BRWD1: variants seen among roughly 807,000 people sequenced by gnomAD.
The protein encoded by BRWD1 is bromodomain and WD repeat-containing protein 1.
In BRWD1, 82 loss-of-function variants were observed where a neutral mutation model predicts 251.2. That is an observed-to-expected ratio of 0.33 (90% CI 0.27 to 0.39). The LOEUF is 0.39. Ranked by LOEUF, BRWD1 falls within the 10% of genes least tolerant of loss-of-function variation. BRWD1 has a pLI of 1.00. For missense variants in BRWD1, 2,233 were observed against 2,711.6 expected, an observed-to-expected ratio of 0.82 and a Z score of 3.92; for synonymous variants, 918 against 902.8, an observed-to-expected ratio of 1.02 and a Z score of -0.30.
intron 21 of BRWD1, among the ~76,000 whole-genome samples, chr21:39,241,764 A>C (rs2034012048): frequency 6.6e-6 from 1 of 152,040 alleles, no homozygotes; most frequent in African/African-American, 2.4e-5. Flanking sequence ...AACCCAGTAA[A>C]TTTATTGGTG....
chr21:39,221,536 CAA>C (rs759936575), intron 29 of BRWD1, among the ~76,000 whole-genome samples: 2 of 151,136 alleles, frequency 1.3e-5, no homozygotes, highest in South Asian at 2.1e-4. Flanking sequence ...AGCAAAAAAA[CAA>C]AAAAAATCCA....
At chr21:39,253,286 C>CAAAAA (rs57456792) in intron 19 of BRWD1, among the ~76,000 whole-genome samples, 24 of 83,792 alleles carry the variant, frequency 2.9e-4, no homozygotes, top group African/African-American at 4.2e-4. Flanking sequence ...GAAACTGTCT[C>CAAAAA]AAAAAAAAAA....
rs530947612 is a variant in BRWD1, at chr21:39,198,774, T to C, written c.5642A>G (p.Asn1881Ser). The C allele has an allele frequency of 1.3e-4, 208 of 1,584,156 alleles. 2 individuals carry two copies. The South Asian group carries it at 2.2e-3, about 17-fold the overall frequency. The change falls in exon 40 of 41, where the codon AAT becomes AGT. Residue 1881 changes from asparagine (N) to serine (S), a missense_variant. Coordinates refer to ENST00000342449, the MANE Select transcript of BRWD1 (RefSeq NM_033656.4). ...SDDDKIEKPN[N>S]FMKDSASQDN... ...ATGTTTTGAATTACCTTTCATAAAA[T>C]TGTTTGGTTTTTCTATTTTGTCATC...
At chr21:39,315,326 T>C (rs952866468), upstream of BRWD1, among the ~76,000 whole-genome samples, 2 of 151,928 alleles carry the variant, frequency 1.3e-5, no homozygotes, top group African/African-American at 2.4e-5. Flanking sequence ...TATATATTTA[T>C]AAATGGACAT....
At chr21:39,218,921 T>G (rs1234751051) in intron 29 of BRWD1, among the ~76,000 whole-genome samples, 2 of 152,134 alleles carry the variant, frequency 1.3e-5, no homozygotes, top group East Asian at 3.9e-4. Flanking sequence ...GTCTATTTCT[T>G]CAAGGAGGCA....
At chr21:39,255,592 ATAAAT>A (rs1354744217) in intron 19 of BRWD1, 48 bp downstream of exon 19, 12 of 1,445,492 alleles carry the variant, frequency 8.3e-6, no homozygotes, top group Non-Finnish European at 1.2e-5. Flanking sequence ...AAATAACCAT[ATAAAT>A]ATATTTTCAC....
intron 8 of BRWD1, among the ~76,000 whole-genome samples, chr21:39,286,403 T>C (rs1017300960): frequency 5.3e-5 from 8 of 152,136 alleles, no homozygotes; most frequent in Non-Finnish European, 7.3e-5. Flanking sequence ...CTAAGGTCAA[T>C]AGCTACTATT....
rs2031487796 is a variant in BRWD1 at position 39,190,337 on chromosome 21, G to T, written c.*5922C>A. 1 of 984,806 alleles carries T rather than the reference G, an allele frequency of 1.0e-6. No individual in the cohort carries two copies. Among genetic ancestry groups the T allele is most frequent in the Non-Finnish European group, 1.2e-6 (1 of 829,488 alleles). The allele number at this position is 984,806 out of a possible 1,614,324, so 61.0% of individuals were successfully genotyped here. A position where few individuals can be genotyped will look rare whatever the true frequency, so the allele number is the denominator to read the frequency against. On this transcript the variant is annotated 3_prime_UTR_variant, in exon 41 of 41. Transcript: ENST00000342449. ...TAAACTGCATATGGTTACTACAGAA[G>T]CATTATAAAATTTTCATTGGCATTT...
chr21:39,199,563 A>G lies in BRWD1; in HGVS notation c.4853T>C (p.Leu1618Pro), dbSNP rs2032002498. 6.2e-7 allele frequency: 1 copy of G among 1,614,078 alleles called. No homozygotes were observed. The highest frequency in any genetic ancestry group is 1.3e-5 in the African/African-American group (1 of 74,922). ...TCGGTTATTTCCAGCTCTGGCTTTT[A>G]GAATTTCACCAGTCTCCAATGAATT... ...DNNSLETGEI[L>P]KARAGNNRKV... Residue 1618 changes from leucine (L) to proline (P), a missense_variant, in exon 40 of 41, where the codon CTA (leucine) becomes CCA (proline). By Grantham distance (98) the Leu-to-Pro change is moderately conservative (BLOSUM62 -3). Around this residue, in one of 12 missense-constraint regions of BRWD1, gnomAD observed 928 missense variants for 970.0 expected, o/e 0.96. Coordinates refer to ENST00000342449, the MANE Select transcript of BRWD1 (RefSeq NM_033656.4).
At chr21:39,262,802 A>G (rs2034797726) in intron 17 of BRWD1, among the ~76,000 whole-genome samples, 1 of 152,194 alleles carries the variant, frequency 6.6e-6, no homozygotes, top group Non-Finnish European at 1.5e-5. Context: ...GGACTGGGAG[A>G]AAGGAGAGGA....
chr21:39,317,849 A>G (rs2036713753), upstream of BRWD1, among the ~76,000 whole-genome samples: 1 of 152,224 alleles, frequency 6.6e-6, no homozygotes, highest in South Asian at 2.1e-4. Context: ...CCAGGAGTTC[A>G]AGGCTGGTCT....
chr21:39,231,208 C>T (rs1203169467), intron 25 of BRWD1, among the ~76,000 whole-genome samples: 1 of 152,116 alleles, frequency 6.6e-6, no homozygotes, highest in East Asian at 1.9e-4. Context: ...TAAAAAAACA[C>T]GTGTACTACT....
chr21:39,256,159 C>T (rs1423953818), intron 18 of BRWD1, among the ~76,000 whole-genome samples: 2 of 152,106 alleles, frequency 1.3e-5, no homozygotes, highest in South Asian at 2.1e-4. Context: ...ATGTAGAATA[C>T]GGAACAAACA....
At chr21:39,253,011 T>C (rs1054200964) in intron 19 of BRWD1, among the ~76,000 whole-genome samples, 8 of 152,166 alleles carry the variant, frequency 5.3e-5, no homozygotes, top group Admixed American at 3.9e-4. Flanking sequence ...AAGCCAAGGC[T>C]GGATGCGGTG....
In BRWD1 at chr21:39,313,607, C is replaced by T. The variant is rs1439168567; in HGVS notation, c.-116G>A. The T allele has an allele frequency of 8.4e-6, 7 of 836,218 alleles. No homozygotes were observed. The highest frequency in any genetic ancestry group is 1.1e-5 in the Non-Finnish European group (7 of 629,274). 51.8% of individuals were successfully genotyped at this position (836,218 alleles called of 1,614,324 possible). A position where few individuals can be genotyped will look rare whatever the true frequency, so the allele number is the denominator to read the frequency against. On this transcript the variant is annotated 5_prime_UTR_variant, in exon 1 of 41. Transcript: ENST00000342449. ...CAGGCGCGCGCCGCCGCCGCCGCCGCCGCCGCCATACCGTGCGCGCCGCCT... is the reference window on the plus strand; with the variant it reads ...CAGGCGCGCGCCGCCGCCGCCGCCGTCGCCGCCATACCGTGCGCGCCGCCT...
chr21:39,207,485 A>ACAC (rs1350272514), intron 36 of BRWD1, among the ~76,000 whole-genome samples: 1,843 of 120,154 alleles, frequency 0.015, 19 homozygotes, highest in African/African-American at 0.022. Context: ...CACACACACA[A>ACAC]ACAAAACTCC....
intron 11 of BRWD1, 142 bp from the exon 12 acceptor site, chr21:39,276,355 T>A: frequency 1.9e-6 from 1 of 530,098 alleles, no homozygotes; most frequent in Middle Eastern, 3.1e-4. Flanking sequence ...TCATTCAACA[T>A]GTTTTATAAT....
chr21:39,193,650 T>C lies in BRWD1; in HGVS notation c.*2609A>G, dbSNP rs559737693. 2.0e-6 allele frequency: 2 copies of C among 985,426 alleles called. No homozygotes were observed. Among genetic ancestry groups the C allele is most frequent in the Non-Finnish European group, 2.4e-6 (2 of 829,724 alleles). The allele number at this position is 985,426 out of a possible 1,614,324, so 61.0% of individuals were successfully genotyped here. A position where few individuals can be genotyped will look rare whatever the true frequency, so the allele number is the denominator to read the frequency against. The stretch of plus-strand genomic sequence containing the variant: ...CCATTAAGTTGAACTTCAAGTGCAG[T>C]GGAAAGGTACAGCACTTATTTCTGG... On this transcript the variant is annotated 3_prime_UTR_variant, in exon 41 of 41. Coordinates refer to ENST00000342449, the MANE Select transcript of BRWD1 (RefSeq NM_033656.4).
chr21:39,258,253 G>A (rs1022639886), intron 18 of BRWD1, among the ~76,000 whole-genome samples: 1 of 152,064 alleles, frequency 6.6e-6, no homozygotes, highest in African/African-American at 2.4e-5. Flanking sequence ...ATACAATTTT[G>A]TAAATACTGT....
Sources: allele counts gnomAD v4.1 joint callset (sites outside exome capture counted in the v4.1 genomes callset), GRCh38; gene constraint gnomAD v4.1.1; regional missense constraint gnomAD v4.1.1; transcripts MANE v1.5; gene names NCBI Gene and HGNC (gene_info 2026-07-23, HGNC 2026-07-21).